SLIT1: variants seen among roughly 807,000 people sequenced by gnomAD.
SLIT1 encodes the protein slit homolog 1 protein.
In SLIT1, 66 loss-of-function variants were observed where a neutral mutation model predicts 186.1. The observed-to-expected ratio is 0.35, with a 90% confidence interval of 0.29 to 0.44. The LOEUF (loss-of-function observed/expected upper bound fraction) is 0.44, where lower values mean the gene tolerates loss of function less well. SLIT1 is among the 20% of genes least tolerant of loss of function. The pLI is 1.00. For missense variants in SLIT1, 1,638 were observed against 2,037.4 expected (o/e 0.80, Z 3.77); for synonymous variants, 761 against 833.8 (o/e 0.91, Z 1.50).
intron 4 of SLIT1, among the ~76,000 whole-genome samples, chr10:97,119,712 A>G (rs907883927): frequency 1.3e-5 from 2 of 149,766 alleles, no homozygotes; most frequent in Admixed American, 6.7e-5. Context: ...GTCCCGGTGG[A>G]CGCCCACTCT....
rs368796370 is a variant in SLIT1, at chr10:97,042,931, C to T, written c.2134G>A (p.Val712Met). 3.1e-6 allele frequency: 5 copies of T among 1,614,210 alleles called. No individual in the cohort carries two copies. Among genetic ancestry groups the T allele is most frequent in the South Asian group, 2.2e-5 (2 of 91,082 alleles). The change falls in exon 20 of 37, where the codon GTG (valine) becomes ATG (methionine). Residue 712 changes from valine (V) to methionine (M), a missense_variant. Around this residue, in one of 3 missense-constraint regions of SLIT1, gnomAD observed 1,245 missense variants for 1,535.3 expected, o/e 0.81. Coordinates refer to ENST00000266058, the MANE Select transcript of SLIT1 (RefSeq NM_003061.3). ...TCACACCTGAAGTCAGGGAAGGCCA[C>T]GTCCTGCAGGGGAATCTGCCGCAAA... ...DFLRQIPLQD[V>M]AFPDFRCEEG...
chr10:97,013,611 C>T (rs1362796184), intron 30 of SLIT1, 130 bp downstream of exon 30: 6 of 686,792 alleles, frequency 8.7e-6, no homozygotes, highest in Non-Finnish European at 1.5e-5. Context: ...TTCTCAGGAA[C>T]CCTGTAGAGC....
Position 97,001,295 on chromosome 10 carries a change from A to G in SLIT1, c.4422T>C (p.Tyr1474=), listed in dbSNP as rs747188226. ...VRDFHQVQRG[Y]AICQTTRPLS... is the part of the protein sequence containing the mutation. ...GGGGGCGCGTGGTCTGGCAGATGGC[A>G]TAGCCCCTCTGGACCTGGTGAAAGT... The change falls in exon 37 of 37, where the codon TAT becomes TAC. Residue 1474 remains tyrosine (Y), a synonymous_variant. Coordinates refer to ENST00000266058, the MANE Select transcript of SLIT1 (RefSeq NM_003061.3). 5.6e-6 allele frequency: 9 copies of G among 1,613,156 alleles called. No individual in the cohort carries two copies. The African/African-American group carries it at 6.7e-5, about 12-fold the overall frequency.
intron 4 of SLIT1, among the ~76,000 whole-genome samples, chr10:97,083,676 G>C (rs952708393): frequency 6.6e-6 from 1 of 152,154 alleles, no homozygotes; most frequent in African/African-American, 2.4e-5. Context: ...GTCAGCCCCT[G>C]TCTGCGATGA....
chr10:97,057,758 T>G, intron 11 of SLIT1: 1 of 474,444 alleles, frequency 2.1e-6, no homozygotes, highest in Non-Finnish European at 3.8e-6. Flanking sequence ...CATTTTTTTT[T>G]TATACTTTAG....
At chr10:97,166,703 C>G (rs901047094) in intron 1 of SLIT1, among the ~76,000 whole-genome samples, 1 of 152,090 alleles carries the variant, frequency 6.6e-6, no homozygotes, top group African/African-American at 2.4e-5. Flanking sequence ...CGAGCTTGAT[C>G]TGGGTTGCTG....
chr10:97,143,016 C>T (rs1178239648), intron 4 of SLIT1, among the ~76,000 whole-genome samples: 1 of 152,098 alleles, frequency 6.6e-6, no homozygotes, highest in African/African-American at 2.4e-5. Context: ...AATTGGAATC[C>T]TTATGCACTG....
chr10:97,001,454 G>T, intron 36 of SLIT1, 104 bp from the exon 37 acceptor site: 1 of 851,246 alleles, frequency 1.2e-6, no homozygotes, highest in Admixed American at 2.2e-5. Context: ...AGCATCTGTG[G>T]GGTGGATCCT....
In SLIT1 at chr10:97,002,827, T is replaced by C. The variant is rs1385413067; in HGVS notation, c.4031A>G (p.Lys1344Arg). Residue 1344 changes from lysine (K) to arginine (R), a missense_variant, in exon 35 of 37, where the codon AAG (lysine) becomes AGG (arginine). Physicochemically the swap from Lys to Arg is conservative, Grantham distance 26. Transcript: ENST00000266058. Reference protein sequence around the residue: ...GVVPGCEPCRKLYCLHGICQP... With the variant: ...GVVPGCEPCRRLYCLHGICQP... ...GCAGATGCCATGCAGGCAGTAGAGC[T>C]TGCGGCAGGGTTCGCAGCCTGGCAC... 1.2e-6 allele frequency: 2 copies of C among 1,614,194 alleles called. No homozygotes were observed. Among genetic ancestry groups the C allele is most frequent in the Non-Finnish European group, 8.5e-7 (1 of 1,180,026 alleles).
chr10:97,153,853 C>T (rs1360964259), intron 4 of SLIT1: 1 of 152,226 alleles, frequency 6.6e-6, no homozygotes, highest in African/African-American at 2.4e-5. Flanking sequence ...GACAATAAGG[C>T]AGATATTCAG....
chr10:97,160,182 T>A (rs1473879096), intron 3 of SLIT1, among the ~76,000 whole-genome samples: 1 of 152,198 alleles, frequency 6.6e-6, no homozygotes, highest in Non-Finnish European at 1.5e-5. Context: ...CCAGCTCAAC[T>A]GCACACTGCT....
chr10:97,077,636 T>C (rs2134650992), intron 4 of SLIT1, among the ~76,000 whole-genome samples: 1 of 152,284 alleles, frequency 6.6e-6, no homozygotes, highest in Admixed American at 6.5e-5. Flanking sequence ...TCAGTTGTAT[T>C]GTCCGTGAGG....
intron 10 of SLIT1, 25 bp from the exon 11 acceptor site, chr10:97,059,556 G>C (rs369089743): frequency 1.2e-6 from 2 of 1,604,054 alleles, no homozygotes; most frequent in South Asian, 2.2e-5. Flanking sequence ...GAAGGAGAGG[G>C]GGCATCTGAA....
rs1848291276 is a variant in SLIT1, at chr10:97,000,205, ACCCTCACACCCAGT to A, written c.*893_*906del. The A allele has an allele frequency of 6.6e-6, 1 of 152,246 alleles. No individual in the cohort carries two copies. Among genetic ancestry groups the A allele is most frequent in the African/African-American group, 2.4e-5 (1 of 41,400 alleles). 9.4% of individuals were successfully genotyped at this position (152,246 alleles called of 1,614,324 possible). A position where few individuals can be genotyped will look rare whatever the true frequency, so the allele number is the denominator to read the frequency against. On this transcript the variant is annotated 3_prime_UTR_variant, in exon 37 of 37. Transcript: ENST00000266058. Reference sequence around the variant, plus strand: ...TCCCAGGTCAAGCACCCTGGCCCAGACCCTCACACCCAGTCCCTCTACCAATAGGTCACCGACAG... The same window carrying A: ...TCCCAGGTCAAGCACCCTGGCCCAGACCCTCTACCAATAGGTCACCGACAG...
Position 97,157,806 on chromosome 10 carries a change from A to G in SLIT1, c.413+12T>C. The G allele has an allele frequency of 6.2e-7, 1 of 1,607,154 alleles. No individual in the cohort carries two copies. The highest frequency in any genetic ancestry group is 8.5e-7 in the Non-Finnish European group (1 of 1,173,588). The stretch of plus-strand genomic sequence containing the variant: ...CACAGGGAGAACTCTCTGGCCACAG[A>G]GCGTCACTCACAGTCTTGACAAAGC... On this transcript the variant is annotated intron_variant, in intron 4 of 36. Transcript: ENST00000266058.
At chr10:97,056,616 C>A (rs2255174) in intron 12 of SLIT1, 152 bp from the exon 13 acceptor site, 398,239 of 734,256 alleles carry the variant, frequency 0.54, 117,547 homozygotes, top group East Asian at 0.72. Flanking sequence ...GGATGTCTGC[C>A]CCACGGAGAG....
intron 4 of SLIT1, among the ~76,000 whole-genome samples, chr10:97,149,053 T>G (rs759036157): frequency 1.3e-5 from 2 of 152,216 alleles, no homozygotes; most frequent in Non-Finnish European, 2.9e-5. Flanking sequence ...CACCCCCCCG[T>G]GGCCCTCCTT....
At chr10:97,058,013 T>C in intron 11 of SLIT1, 1 of 717,408 alleles carries the variant, frequency 1.4e-6, no homozygotes, top group African/African-American at 1.7e-5. Context: ...GGCTTCAAGG[T>C]CATTCCTGGA....
Position 97,042,910 on chromosome 10 carries a change from A to G in SLIT1, c.2155T>C (p.Cys719Arg). ...GGGGGCCACGAGTTACCTTCCTCAC[A>G]CCTGAAGTCAGGGAAGGCCACGTCC... ...LQDVAFPDFR[C>R]EEGQEEGGCL... is the part of the protein sequence containing the mutation. The change falls in exon 20 of 37, where the codon TGT becomes CGT. Residue 719 changes from cysteine (C) to arginine (R), a missense_variant. Cys to Arg is a radical substitution (Grantham distance 180). Transcript: ENST00000266058. 6.2e-7 allele frequency: 1 copy of G among 1,613,958 alleles called. No individual in the cohort carries two copies. Among genetic ancestry groups the G allele is most frequent in the Non-Finnish European group, 8.5e-7 (1 of 1,179,926 alleles).
Sources: allele counts gnomAD v4.1 joint callset (sites outside exome capture counted in the v4.1 genomes callset), GRCh38; gene constraint gnomAD v4.1.1; regional missense constraint gnomAD v4.1.1; transcripts MANE v1.5; gene names NCBI Gene and HGNC (gene_info 2026-07-23, HGNC 2026-07-21).